The following TCF7L2 variants were observed in gnomAD, a reference collection of about 807,000 sequenced individuals.
The protein encoded by TCF7L2 is transcription factor 7-like 2.
A neutral mutation model predicts 77.9 loss-of-function variants in TCF7L2; 23 were observed. The ratio of observed to expected loss-of-function variants is 0.30; its 90% confidence interval spans 0.21 to 0.42. The LOEUF is 0.42. TCF7L2 is among the 10% of genes least tolerant of loss of function. The probability of loss-of-function intolerance (pLI) is 1.00; values close to 1 mark genes in which losing one functional copy is unlikely to be tolerated. For synonymous variants in TCF7L2, 413 were observed against 340.2 expected (o/e 1.21, Z -2.36); for missense variants, 654 against 793.1 (o/e 0.82, Z 2.11).
intron 4 of TCF7L2, among the ~76,000 whole-genome samples, chr10:112,995,814 C>G (rs2043365224): frequency 6.6e-6 from 1 of 152,138 alleles, no homozygotes; most frequent in Non-Finnish European, 1.5e-5. Context: ...CTTTATTTGG[C>G]AGTCCCTTCC....
At chr10:113,085,077 C>CTT (rs944902759) in intron 5 of TCF7L2, among the ~76,000 whole-genome samples, 11 of 151,112 alleles carry the variant, frequency 7.3e-5, no homozygotes, top group Admixed American at 2.0e-4. Context: ...TGACACCTTT[C>CTT]TTTTTTTTTA....
At chr10:113,157,103 G>GT (rs150372856) in intron 11 of TCF7L2, among the ~76,000 whole-genome samples, 57 of 152,116 alleles carry the variant, frequency 3.7e-4, no homozygotes, top group African/African-American at 1.3e-3. Flanking sequence ...CACTCAGCAG[G>GT]TTTTTTTTGT....
chr10:113,112,509 TG>T (rs1292398861), intron 5 of TCF7L2, among the ~76,000 whole-genome samples: 1 of 152,218 alleles, frequency 6.6e-6, no homozygotes, highest in Admixed American at 6.5e-5. Context: ...TGTAGCAGCT[TG>T]GGGCTTGGGT....
intron 13 of TCF7L2, among the ~76,000 whole-genome samples, chr10:113,164,885 G>C (rs576580527): frequency 2.0e-5 from 3 of 152,140 alleles, no homozygotes; most frequent in Admixed American, 6.5e-5. Context: ...AGACAAGCCC[G>C]AAAGCTCTCT....
chr10:112,955,200 C>A (rs1006927664), intron 3 of TCF7L2, among the ~76,000 whole-genome samples: 5 of 150,300 alleles, frequency 3.3e-5, no homozygotes, highest in Non-Finnish European at 4.4e-5. Flanking sequence ...CAGGTCATTA[C>A]ATTTTAAATA....
chr10:112,955,723 CA>C (rs2134323297), intron 3 of TCF7L2, among the ~76,000 whole-genome samples: 1 of 152,214 alleles, frequency 6.6e-6, no homozygotes, highest in African/African-American at 2.4e-5. Context: ...GGAAGTTGGT[CA>C]GCTTTCTGTT....
chr10:113,165,028 CTCTG>C (rs931387331), intron 13 of TCF7L2, among the ~76,000 whole-genome samples: 38 of 152,060 alleles, frequency 2.5e-4, no homozygotes, highest in African/African-American at 8.9e-4. Context: ...GGGGAAGGAG[CTCTG>C]TCTTTCTCTT....
chr10:112,987,842 A>G, intron 4 of TCF7L2: 1 of 180,334 alleles, frequency 5.5e-6, no homozygotes, highest in Non-Finnish European at 1.2e-5. Context: ...ACAGGAGGAA[A>G]AAGCCTGGGA....
At chr10:113,153,035 C>A (rs1039172674) in intron 11 of TCF7L2, among the ~76,000 whole-genome samples, 9 of 152,210 alleles carry the variant, frequency 5.9e-5, no homozygotes, top group Admixed American at 5.9e-4. Flanking sequence ...GATGCATGAA[C>A]CGACTCTGGC....
intron 11 of TCF7L2, among the ~76,000 whole-genome samples, chr10:113,157,370 C>G (rs1018480467): frequency 1.3e-5 from 2 of 152,198 alleles, no homozygotes; most frequent in Non-Finnish European, 2.9e-5. Context: ...CTCCCACCTC[C>G]GCCCCTCAGA....
intron 5 of TCF7L2, among the ~76,000 whole-genome samples, chr10:113,113,729 A>G (rs2063412192): frequency 6.6e-6 from 1 of 152,212 alleles, no homozygotes; most frequent in African/African-American, 2.4e-5. Flanking sequence ...TTTGTTTCCC[A>G]TTAGAGATAA....
At chr10:113,137,938 G>A (rs1592186910) in intron 5 of TCF7L2, among the ~76,000 whole-genome samples, 1 of 152,268 alleles carries the variant, frequency 6.6e-6, no homozygotes, top group African/African-American at 2.4e-5. Flanking sequence ...AGGAAGAAAG[G>A]GTTCTGGGGT....
chr10:113,089,101 G>T (rs2060115993), intron 5 of TCF7L2, among the ~76,000 whole-genome samples: 1 of 152,208 alleles, frequency 6.6e-6, no homozygotes, highest in African/African-American at 2.4e-5. Context: ...GTTCTTGAGA[G>T]GCTCAGAGGA....
chr10:113,150,899 T>A (rs2137118931), intron 8 of TCF7L2, 99 bp from the exon 9 acceptor site: 1 of 1,519,108 alleles, frequency 6.6e-7, no homozygotes, highest in Non-Finnish European at 8.9e-7. Context: ...CATGTGAGTG[T>A]TACGTGCTGT....
chr10:113,139,812 A>T (rs1329822876), intron 5 of TCF7L2, among the ~76,000 whole-genome samples: 2 of 9,194 alleles, frequency 2.2e-4, no homozygotes, highest in African/African-American at 5.2e-3. Context: ...TCACCCATTT[A>T]AAAAAAAAAA....
At chr10:112,972,046 G>A (rs546818120) in intron 4 of TCF7L2, among the ~76,000 whole-genome samples, 27 of 151,906 alleles carry the variant, frequency 1.8e-4, no homozygotes, top group Non-Finnish European at 3.2e-4. Context: ...TTAGCCTCCC[G>A]CTGGCCGTCA....
intron 4 of TCF7L2, among the ~76,000 whole-genome samples, chr10:112,998,742 C>T (rs1188144440): frequency 2.0e-5 from 3 of 152,164 alleles, no homozygotes; most frequent in Non-Finnish European, 4.4e-5. Flanking sequence ...AGCTTGGGCA[C>T]TTCACTGCTA....
At chr10:112,969,570 A>C (rs542353771) in intron 4 of TCF7L2, among the ~76,000 whole-genome samples, 340 of 152,320 alleles carry the variant, frequency 2.2e-3, no homozygotes, top group Non-Finnish European at 3.7e-3. Context: ...GAGAGACTTG[A>C]GTGCTGGATT....
intron 4 of TCF7L2, among the ~76,000 whole-genome samples, chr10:112,996,681 C>G (rs907230237): frequency 6.6e-6 from 1 of 152,166 alleles, no homozygotes; most frequent in African/African-American, 2.4e-5. Flanking sequence ...GCTGGTGAAG[C>G]CTGAAGGCCA....
Sources: gnomAD v4.1 joint callset for allele counts (sites outside exome capture counted in the v4.1 genomes callset) on GRCh38, gnomAD v4.1.1 for gene constraint, MANE v1.5 for transcripts, NCBI Gene and HGNC (gene_info 2026-07-23, HGNC 2026-07-21) for gene names.